GRID2: variants seen among roughly 807,000 people sequenced by gnomAD.
The protein encoded by GRID2 is glutamate ionotropic receptor delta type subunit 2, also known as glutamate receptor ionotropic, delta-2.
In GRID2, 33 loss-of-function variants were observed where a neutral mutation model predicts 114.8. The ratio of observed to expected loss-of-function variants is 0.29; its 90% CI spans 0.22 to 0.38. The LOEUF (loss-of-function observed/expected upper bound fraction) is 0.38, where lower values mean the gene tolerates loss of function less well. Ranked by LOEUF, GRID2 falls within the 10% of genes least tolerant of loss-of-function variation. The pLI, the probability that GRID2 is intolerant of heterozygous loss-of-function variation, is 1.00. For synonymous variants in GRID2, 505 were observed against 449.9 expected (o/e 1.12, Z -1.55); for missense variants, 1,184 against 1,257.7 (o/e 0.94, Z 0.89).
At chr4:92,707,977 A>G (rs920022360) in intron 2 of GRID2, among the ~76,000 whole-genome samples, 1 of 152,176 alleles carries the variant, frequency 6.6e-6, no homozygotes, top group Non-Finnish European at 1.5e-5. Flanking sequence ...AGAATGAATG[A>G]GGGAATGAGA....
intron 2 of GRID2, among the ~76,000 whole-genome samples, chr4:92,894,332 T>G (rs907757732): frequency 3.9e-5 from 6 of 152,168 alleles, no homozygotes; most frequent in African/African-American, 1.4e-4. Flanking sequence ...TATGATATTT[T>G]TAAGGTTCTA....
chr4:93,324,968 TG>T (rs1341522117), intron 8 of GRID2, among the ~76,000 whole-genome samples: 5 of 152,172 alleles, frequency 3.3e-5, no homozygotes, highest in African/African-American at 1.2e-4. Context: ...TCAATTTTGT[TG>T]ATCTTTTCAA....
At chr4:93,441,888 A>C (rs969975207) in intron 10 of GRID2, among the ~76,000 whole-genome samples, 1 of 152,144 alleles carries the variant, frequency 6.6e-6, no homozygotes, top group South Asian at 2.1e-4. Context: ...AGACCTAACA[A>C]GGCTCAGCTG....
chr4:92,965,961 T>TA (rs1390371706), intron 2 of GRID2, among the ~76,000 whole-genome samples: 1 of 151,928 alleles, frequency 6.6e-6, no homozygotes, highest in Non-Finnish European at 1.5e-5. Context: ...ATAAAGTTCA[T>TA]ACCTTTTGCC....
intron 13 of GRID2, among the ~76,000 whole-genome samples, chr4:93,604,412 A>C (rs1189667152): frequency 6.6e-6 from 1 of 152,220 alleles, no homozygotes; most frequent in Non-Finnish European, 1.5e-5. Context: ...ATAAGGAGTC[A>C]CTTCTTATGG....
rs78401883 is a variant in GRID2, at chr4:93,185,173, A to T, written c.736-22231A>T. The stretch of plus-strand genomic sequence containing the variant: ...TTTTATATCTCTGTATTTATTTTGA[A>T]TCAAAATCCCCAGGTACAGGTAGGA... On this transcript the variant is annotated intron_variant, in intron 4 of 15. Coordinates refer to ENST00000282020, the MANE Select transcript of GRID2 (RefSeq NM_001510.4). 4.9e-3 allele frequency among the ~76,000 whole-genome samples: 749 copies of T among 152,282 alleles called. 5 individuals carry two copies. The highest frequency in any genetic ancestry group is 8.2e-3 in the Non-Finnish European group (555 of 68,018).
chr4:93,204,166 G>C (rs531560380), intron 4 of GRID2: 1 of 152,220 alleles, frequency 6.6e-6, no homozygotes, highest in African/African-American at 2.4e-5. Context: ...TTGTAGGGCA[G>C]GGTATTTTTT....
At chr4:93,083,594 G>C (rs922615099) in intron 2 of GRID2, among the ~76,000 whole-genome samples, 1 of 151,424 alleles carries the variant, frequency 6.6e-6, no homozygotes, top group Non-Finnish European at 1.5e-5. Context: ...TACTCAGGAG[G>C]CTGAGGCAGG....
At chr4:93,477,197 A>G (rs1725399096) in intron 11 of GRID2, among the ~76,000 whole-genome samples, 1 of 152,080 alleles carries the variant, frequency 6.6e-6, no homozygotes, top group Admixed American at 6.6e-5. Flanking sequence ...AGCTGAACTC[A>G]CTTTTGTAAA....
At chr4:92,884,397 T>C (rs765961184) in intron 2 of GRID2, among the ~76,000 whole-genome samples, 1 of 152,206 alleles carries the variant, frequency 6.6e-6, no homozygotes, top group Non-Finnish European at 1.5e-5. Context: ...TTATTATCTG[T>C]GGTGTTCACT....
intron 2 of GRID2, among the ~76,000 whole-genome samples, chr4:92,815,016 G>A (rs1189401519): frequency 1.3e-5 from 2 of 152,052 alleles, no homozygotes; most frequent in African/African-American, 4.8e-5. Context: ...AGTGGGGGGT[G>A]GATTTGGATG....
At chr4:92,331,845 A>G (rs1726905806) in intron 1 of GRID2, among the ~76,000 whole-genome samples, 1 of 152,198 alleles carries the variant, frequency 6.6e-6, no homozygotes, top group Non-Finnish European at 1.5e-5. Flanking sequence ...AGGCAGGAAC[A>G]CCTGCTGCAT....
chr4:92,810,175 C>G lies in GRID2; in HGVS notation c.244+219889C>G, dbSNP rs370695637. Among the ~76,000 whole-genome samples, 18 of 151,170 alleles carry G rather than the reference C, an allele frequency of 1.2e-4. 1 individual carries two copies. The highest frequency in any genetic ancestry group is 6.3e-4 in the South Asian group (3 of 4,794). On this transcript the variant is annotated intron_variant, in intron 2 of 15. Coordinates refer to ENST00000282020, the MANE Select transcript of GRID2 (RefSeq NM_001510.4). ...AATGTCACTTATGTCTCTGAAAGAA[C>G]TTAAAATTTTTTGAAAATTCATTCA...
intron 13 of GRID2, among the ~76,000 whole-genome samples, chr4:93,591,809 A>G (rs1018742902): frequency 2.0e-5 from 3 of 152,160 alleles, no homozygotes; most frequent in African/African-American, 7.2e-5. Context: ...CGAGGAATTT[A>G]TCCATTTCTT....
chr4:92,608,153 T>C (rs921441905), intron 2 of GRID2, among the ~76,000 whole-genome samples: 10 of 151,824 alleles, frequency 6.6e-5, no homozygotes, highest in African/African-American at 2.4e-4. Flanking sequence ...GTAAACATCA[T>C]GCTGCAAGGA....
At chr4:92,535,324 C>G (rs1005965522) in intron 1 of GRID2, among the ~76,000 whole-genome samples, 2 of 152,112 alleles carry the variant, frequency 1.3e-5, no homozygotes, top group Non-Finnish European at 2.9e-5. Context: ...TTTCAACTTT[C>G]TTATAAACAT....
rs544209074 is a variant in GRID2 at position 92,372,426 on chromosome 4, C to T, written c.88+67682C>T. ...TTCAGCAACGGGCACCCTGATCAAT[C>T]AGCAACCATTAACATTAAGGCCTGA... On this transcript the variant is annotated intron_variant, in intron 1 of 15. Transcript: ENST00000282020. Among the ~76,000 whole-genome samples the T allele has an allele frequency of 7.9e-5, 12 of 152,286 alleles. No individual in the cohort carries two copies. In the South Asian group the frequency reaches 2.5e-3, roughly 32 times the overall value.
intron 2 of GRID2, among the ~76,000 whole-genome samples, chr4:92,610,494 G>A (rs1295765125): frequency 1.3e-5 from 2 of 151,570 alleles, no homozygotes; most frequent in African/African-American, 2.4e-5. Flanking sequence ...ATCCAATTCT[G>A]AGAACTCAGA....
intron 1 of GRID2, among the ~76,000 whole-genome samples, chr4:92,405,372 G>C (rs1200263564): frequency 6.6e-6 from 1 of 152,078 alleles, no homozygotes; most frequent in African/African-American, 2.4e-5. Flanking sequence ...AATCTCTGCT[G>C]TCTGGAACTG....
Sources: gnomAD v4.1 joint callset for allele counts (sites outside exome capture counted in the v4.1 genomes callset) on GRCh38, gnomAD v4.1.1 for gene constraint, MANE v1.5 for transcripts, NCBI Gene and HGNC (gene_info 2026-07-23, HGNC 2026-07-21) for gene names.